Variants in TBC1D19 observed in about 807,000 individuals in gnomAD.
TBC1D19 encodes the protein TBC1 domain family member 19, also known as TBC1 domain family, member 19.
Under a neutral mutation model 89.0 loss-of-function variants are expected in TBC1D19, and 60 were observed. That is an observed-to-expected ratio of 0.67 (90% CI 0.55 to 0.84). TBC1D19 has a LOEUF of 0.84. Ranked by LOEUF, TBC1D19 falls within the 40% of genes least tolerant of loss-of-function variation. The pLI, the probability that TBC1D19 is intolerant of heterozygous loss-of-function variation, is 0.00. For synonymous variants in TBC1D19, 189 were observed against 199.7 expected (o/e 0.95, Z 0.45); for missense variants, 500 against 610.8 (o/e 0.82, Z 1.91).
At chr4:26,697,070 C>G (rs924889696) in intron 13 of TBC1D19, among the ~76,000 whole-genome samples, 2 of 152,082 alleles carry the variant, frequency 1.3e-5, no homozygotes, top group Non-Finnish European at 2.9e-5. Context: ...AATCCAGGAG[C>G]TGGTTTTTTG....
Position 26,673,802 on chromosome 4 carries a change from GC to G in TBC1D19, c.731del (p.Ala244ValfsTer13). ...KVLAEQDSAA[A>X]QQYIRQGSPT... ...TCTAGCAGAACAAGATAGTGCTGCT[GC>G]TCAACAGTACATCAGACAAGGAAGT... On this transcript the variant is annotated frameshift_variant, in exon 11 of 21. Transcript: ENST00000264866. LOFTEE classifies it high-confidence loss of function. 1.2e-6 allele frequency: 2 copies of G among 1,611,772 alleles called. No individual in the cohort carries two copies. The highest frequency in any genetic ancestry group is 1.7e-6 in the Non-Finnish European group (2 of 1,178,436).
At chr4:26,737,551 A>G (rs188117679) in intron 16 of TBC1D19, among the ~76,000 whole-genome samples, 280 of 152,254 alleles carry the variant, frequency 1.8e-3, no homozygotes, top group African/African-American at 6.4e-3. Flanking sequence ...CTGCCTATTC[A>G]CATTTATGGT....
At chr4:26,731,029 T>G (rs1228644292) in intron 15 of TBC1D19, among the ~76,000 whole-genome samples, 1 of 152,126 alleles carries the variant, frequency 6.6e-6, no homozygotes, top group Non-Finnish European at 1.5e-5. Context: ...TGTGCCTTAG[T>G]CTAAAAGCAG....
intron 15 of TBC1D19, among the ~76,000 whole-genome samples, chr4:26,732,650 A>G (rs1717736120): frequency 6.6e-6 from 1 of 152,208 alleles, no homozygotes; most frequent in South Asian, 2.1e-4. Flanking sequence ...GGCCACAAAC[A>G]GTCCATGTCC....
the TBC1D19 span, among the ~76,000 whole-genome samples, chr4:26,805,662 A>G: frequency 6.6e-6 from 1 of 152,068 alleles, no homozygotes; most frequent in Non-Finnish European, 1.5e-5. Flanking sequence ...CCTTACCTAC[A>G]GTTGTCCATT....
chr4:26,599,352 G>A (rs1466031260), intron 1 of TBC1D19, among the ~76,000 whole-genome samples: 1 of 152,134 alleles, frequency 6.6e-6, no homozygotes, highest in African/African-American at 2.4e-5. Flanking sequence ...CCTGCCACCA[G>A]CATCTTCTGT....
intron 11 of TBC1D19, among the ~76,000 whole-genome samples, chr4:26,680,086 A>C (rs1044481599): frequency 1.3e-5 from 2 of 151,906 alleles, no homozygotes; most frequent in Non-Finnish European, 2.9e-5. Flanking sequence ...TTTGCTGGGC[A>C]CTCATTCTCT....
chr4:26,798,182 T>G, the TBC1D19 span, among the ~76,000 whole-genome samples: 13 of 152,006 alleles, frequency 8.6e-5, no homozygotes, highest in African/African-American at 2.9e-4. Context: ...TACAAGGAAC[T>G]CAAACAACTC....
chr4:26,829,669 A>G, the TBC1D19 span, among the ~76,000 whole-genome samples: 3 of 152,372 alleles, frequency 2.0e-5, no homozygotes, highest in East Asian at 5.8e-4. Context: ...GTCTAGGCTA[A>G]GCAATGAATC....
intron 13 of TBC1D19, among the ~76,000 whole-genome samples, chr4:26,697,592 A>G (rs1265182044): frequency 6.7e-6 from 1 of 149,454 alleles, no homozygotes; most frequent in Non-Finnish European, 1.5e-5. Context: ...TCCCTGATCA[A>G]CATTGATGCA....
At chr4:26,727,933 C>T (rs967444515) in intron 15 of TBC1D19, among the ~76,000 whole-genome samples, 3 of 151,840 alleles carry the variant, frequency 2.0e-5, no homozygotes, top group African/African-American at 4.9e-5. Context: ...GTTCTTTCTT[C>T]AAACAGCTTG....
At chr4:26,725,463 A>G (rs1188555588) in intron 15 of TBC1D19, among the ~76,000 whole-genome samples, 1 of 151,830 alleles carries the variant, frequency 6.6e-6, no homozygotes, top group African/African-American at 2.4e-5. Flanking sequence ...CCAGGCTGGA[A>G]TGCAGTGGGC....
the TBC1D19 span, among the ~76,000 whole-genome samples, chr4:26,807,926 T>A: frequency 6.6e-6 from 1 of 152,182 alleles, no homozygotes; most frequent in Admixed American, 6.5e-5. Context: ...TGAGCTCTAA[T>A]TTAGTGACAG....
intron 1 of TBC1D19, among the ~76,000 whole-genome samples, chr4:26,607,679 A>C (rs373390201): frequency 1.3e-5 from 2 of 152,296 alleles, no homozygotes; most frequent in African/African-American, 4.8e-5. Context: ...CTAAGAAACA[A>C]CACTCTTTCA....
At chr4:26,735,183 C>T (rs953520729) in intron 15 of TBC1D19, among the ~76,000 whole-genome samples, 7 of 151,140 alleles carry the variant, frequency 4.6e-5, no homozygotes, top group Middle Eastern at 4.0e-3. Context: ...CATATATACA[C>T]GTATATATAC....
the TBC1D19 span, among the ~76,000 whole-genome samples, chr4:26,816,255 T>TTA: frequency 1.3e-5 from 2 of 151,460 alleles, no homozygotes; most frequent in Non-Finnish European, 2.9e-5. Flanking sequence ...TTACTTTTTT[T>TTA]ATGGAGCAAT....
the TBC1D19 span, among the ~76,000 whole-genome samples, chr4:26,795,475 C>A: frequency 6.6e-6 from 1 of 152,152 alleles, no homozygotes; most frequent in Non-Finnish European, 1.5e-5. Context: ...CTGTGAGGGA[C>A]CTTTTTGCCT....
At chr4:26,857,706 C>T in the TBC1D19 span, 13 of 152,218 alleles carry the variant, frequency 8.5e-5, no homozygotes, top group Admixed American at 6.5e-5. Context: ...TGCGGTGGCG[C>T]AGGCGCCCTG....
chr4:26,842,636 C>CTTTCT, the TBC1D19 span, among the ~76,000 whole-genome samples: 80 of 123,276 alleles, frequency 6.5e-4, no homozygotes, highest in Non-Finnish European at 8.9e-4. Flanking sequence ...TTCTTTCTTT[C>CTTTCT]TTTCTTTCTT....
Sources: gnomAD v4.1 joint callset for allele counts (sites outside exome capture counted in the v4.1 genomes callset) on GRCh38, gnomAD v4.1.1 for gene constraint, MANE v1.5 for transcripts, NCBI Gene and HGNC (gene_info 2026-07-23, HGNC 2026-07-21) for gene names.